UNC79: variants seen among roughly 807,000 people sequenced by gnomAD.
The protein encoded by UNC79 is unc-79 subunit of NALCN channel complex.
In UNC79, 37 loss-of-function variants were observed where a neutral mutation model predicts 283.1. That is an observed-to-expected ratio of 0.13 (90% CI 0.10 to 0.17). The LOEUF (loss-of-function observed/expected upper bound fraction) is 0.17. Ranked by LOEUF, UNC79 falls within the 10% of genes least tolerant of loss-of-function variation. UNC79 has a pLI of 1.00. For synonymous variants in UNC79, 1,107 were observed against 1,200.2 expected (o/e 0.92, Z 1.61); for missense variants, 2,272 against 3,211.1 (o/e 0.71, Z 7.07).
intron 1 of UNC79, among the ~76,000 whole-genome samples, chr14:93,373,075 A>G (rs1485962585): frequency 6.6e-6 from 1 of 152,240 alleles, no homozygotes; most frequent in East Asian, 1.9e-4. Flanking sequence ...CACATGAGTC[A>G]AAGAGGAAAT....
chr14:93,499,151 A>G (rs2059166572), intron 7 of UNC79, among the ~76,000 whole-genome samples: 1 of 152,222 alleles, frequency 6.6e-6, no homozygotes, highest in African/African-American at 2.4e-5. Context: ...ATACATGGTA[A>G]CAATAATAAA....
chr14:93,408,564 C>T (rs528371146), intron 1 of UNC79, among the ~76,000 whole-genome samples: 4 of 152,076 alleles, frequency 2.6e-5, no homozygotes, highest in Non-Finnish European at 4.4e-5. Flanking sequence ...TGGTGGTGCA[C>T]GCCTGTGGTC....
intron 41 of UNC79, among the ~76,000 whole-genome samples, chr14:93,680,032 A>T (rs193168607): frequency 2.4e-4 from 37 of 152,138 alleles, no homozygotes; most frequent in Admixed American, 1.9e-3. Context: ...ATGCATGGAT[A>T]AAAAAAAGAT....
At chr14:93,623,235 A>G (rs1201755665) in intron 30 of UNC79, among the ~76,000 whole-genome samples, 1 of 152,196 alleles carries the variant, frequency 6.6e-6, no homozygotes, top group Admixed American at 6.5e-5. Context: ...GATATAGTCC[A>G]AAGAAGGAAC....
At chr14:93,598,148 A>G (rs1285678101) in intron 24 of UNC79, among the ~76,000 whole-genome samples, 1 of 151,304 alleles carries the variant, frequency 6.6e-6, no homozygotes, top group Non-Finnish European at 1.5e-5. Context: ...CACCACACCC[A>G]CCTAATTTTT....
At chr14:93,426,606 T>C (rs1250897104), upstream of UNC79, among the ~76,000 whole-genome samples, 1 of 151,972 alleles carries the variant, frequency 6.6e-6, no homozygotes, top group African/African-American at 2.4e-5. Context: ...GATTTATCTT[T>C]AAGCTTACTT....
intron 13 of UNC79, among the ~76,000 whole-genome samples, chr14:93,541,415 C>T (rs145024445): frequency 5.3e-5 from 8 of 152,268 alleles, no homozygotes; most frequent in Middle Eastern, 3.4e-3. Context: ...TTTACCAATG[C>T]GGCAGAGAAG....
chr14:93,341,603 A>C (rs1027103474), intron 1 of UNC79, among the ~76,000 whole-genome samples: 2 of 137,140 alleles, frequency 1.5e-5, no homozygotes, highest in African/African-American at 6.3e-5. Context: ...CTCTGTCTCT[A>C]CAAAAAAAAA....
At chr14:93,707,017 C>A, downstream of UNC79, 1 of 1,298,640 alleles carries the variant, frequency 7.7e-7, no homozygotes, top group Admixed American at 2.5e-5. Flanking sequence ...CATTCTCTTT[C>A]TAGTTTAGTA....
intron 18 of UNC79, among the ~76,000 whole-genome samples, chr14:93,579,003 G>T (rs1343369336): frequency 6.6e-6 from 1 of 151,990 alleles, no homozygotes; most frequent in Non-Finnish European, 1.5e-5. Flanking sequence ...GTACCTCGTA[G>T]GTGTCTATAC....
At chr14:93,550,534 A>G (rs1295146249) in intron 14 of UNC79, among the ~76,000 whole-genome samples, 8 of 13,598 alleles carry the variant, frequency 5.9e-4, no homozygotes, top group Non-Finnish European at 1.2e-3. Context: ...AAAAAAAAAA[A>G]AAAAAAAGAG....
At chr14:93,389,902 C>T (rs1003551413) in intron 1 of UNC79, among the ~76,000 whole-genome samples, 1 of 152,200 alleles carries the variant, frequency 6.6e-6, no homozygotes, top group Admixed American at 6.5e-5. Flanking sequence ...ATCTGCCCGC[C>T]TTGGCCTCCC....
intron 30 of UNC79, among the ~76,000 whole-genome samples, chr14:93,627,783 G>A (rs2067682544): frequency 6.6e-6 from 1 of 152,054 alleles, no homozygotes; most frequent in South Asian, 2.1e-4. Context: ...ATATTGCATG[G>A]GACTATTTTT....
intron 1 of UNC79, among the ~76,000 whole-genome samples, chr14:93,382,905 A>G (rs940339741): frequency 6.6e-6 from 1 of 152,260 alleles, no homozygotes; most frequent in Non-Finnish European, 1.5e-5. Context: ...TCACTAACCT[A>G]AAATAAAATA....
chr14:93,538,645 C>T (rs543973139), intron 12 of UNC79, among the ~76,000 whole-genome samples: 10 of 151,802 alleles, frequency 6.6e-5, no homozygotes, highest in Admixed American at 3.3e-4. Context: ...AGTCAGGAGG[C>T]GGGGAAGGCA....
chr14:93,393,579 A>G (rs781622370), intron 1 of UNC79, among the ~76,000 whole-genome samples: 56 of 152,354 alleles, frequency 3.7e-4, no homozygotes, highest in African/African-American at 1.1e-3. Flanking sequence ...TTCTAGGTGA[A>G]ATTACACCTC....
intron 31 of UNC79, among the ~76,000 whole-genome samples, chr14:93,634,082 A>C (rs1233097193): frequency 2.0e-5 from 3 of 152,190 alleles, no homozygotes; most frequent in African/African-American, 4.8e-5. Flanking sequence ...ACACACACAC[A>C]TCATGTACAC....
intron 37 of UNC79, among the ~76,000 whole-genome samples, 198 bp from the exon 41 acceptor site, chr14:93,655,036 T>C (rs541442227): frequency 6.6e-6 from 1 of 152,352 alleles, no homozygotes; most frequent in African/African-American, 2.4e-5. Context: ...TTTTCACCTC[T>C]CATCAATTTT....
At chr14:93,560,050 T>C (rs545407421) in intron 14 of UNC79, among the ~76,000 whole-genome samples, 3 of 152,078 alleles carry the variant, frequency 2.0e-5, no homozygotes, top group Admixed American at 6.6e-5. Flanking sequence ...TGTGGGATTG[T>C]TAGAAGGAGC....
Sources: allele counts gnomAD v4.1 joint callset (sites outside exome capture counted in the v4.1 genomes callset), GRCh38; gene constraint gnomAD v4.1.1; transcripts MANE v1.5; gene names NCBI Gene and HGNC (gene_info 2026-07-23, HGNC 2026-07-21).